The following OBP2A variants were observed in gnomAD, a reference collection of about 807,000 sequenced individuals.
OBP2A encodes the protein odorant binding protein 2A, also known as odorant-binding protein 2a.
Under a neutral mutation model 21.9 loss-of-function variants are expected in OBP2A, and 15 were observed. The observed-to-expected ratio is 0.69, with a 90% CI of 0.46 to 1.06. The LOEUF is 1.06. Ranked by LOEUF, OBP2A falls within the 50% of genes least tolerant of loss-of-function variation. OBP2A has a pLI of 0.00. For missense variants in OBP2A, 192 were observed against 220.1 expected, an observed-to-expected ratio of 0.87 and a Z score of 0.81; for synonymous variants, 86 against 91.8, an observed-to-expected ratio of 0.94 and a Z score of 0.36.
chr9:135,549,662 A>G lies in OBP2A; in HGVS notation c.*2-175A>G. 5.3e-6 allele frequency: 3 copies of G among 564,240 alleles called. No individual in the cohort carries two copies. In the African/African-American group the frequency reaches 6.0e-5, roughly 11 times the overall value. The allele number at this position is 564,240 out of a possible 1,614,324, so 35.0% of individuals were successfully genotyped here. The stretch of plus-strand genomic sequence containing the variant: ...TCGGTCTACTCCCCCCCACCCACTC[A>G]CCAAGGATGCTCAGAGGCCTGCCCA... On this transcript the variant is annotated intron_variant, in intron 6 of 6. Transcript: ENST00000371776.
At position 135,546,192 on chromosome 9, in the gene OBP2A, G is replaced by T. The variant is rs1275094676; in HGVS notation, c.12G>T (p.Leu4=). ...ACAGAGCTCTGGAGATGAAGACCCT[G>T]TTCCTGGGTGTCACGCTCGGCCTGG... The part of the protein sequence containing the change: MKT[L]FLGVTLGLAA... Residue 4 remains leucine (L), a synonymous_variant, in exon 1 of 7, where the codon CTG becomes CTT. Transcript: ENST00000371776. 9 of 1,493,646 alleles carry T rather than the reference G, an allele frequency of 6.0e-6. No homozygotes were observed. The highest frequency in any genetic ancestry group is 8.3e-6 in the Non-Finnish European group (9 of 1,088,894). 92.5% of individuals were successfully genotyped at this position (1,493,646 alleles called of 1,614,324 possible).
chr9:135,548,777 C>T lies in OBP2A; in HGVS notation c.458C>T (p.Ser153Leu), dbSNP rs547898380. The T allele has an allele frequency of 2.0e-5, 32 of 1,614,004 alleles. No homozygotes were observed. The African/African-American group carries it at 2.7e-4, about 13-fold the overall frequency. ...FKKLVQHKGL[S>L]EEDIFMPLQT... ...AAATTGGTGCAGCACAAGGGACTCTCGGAGGAGGACATTTTCATGCCCCTG... is the reference window on the plus strand; with the variant it reads ...AAATTGGTGCAGCACAAGGGACTCTTGGAGGAGGACATTTTCATGCCCCTG... Residue 153 changes from serine (S) to leucine (L), a missense_variant, in exon 5 of 7, where the codon TCG (serine) becomes TTG (leucine). By Grantham distance (145) the Ser-to-Leu change is moderately radical (BLOSUM62 -2). Coordinates refer to ENST00000371776, the MANE Select transcript of OBP2A (RefSeq NM_014582.3).
rs368244666 is a variant in OBP2A, at chr9:135,547,245, G to C, written c.274G>C (p.Ala92Pro). 6.2e-6 allele frequency: 10 copies of C among 1,613,550 alleles called. No individual in the cohort carries two copies. Among genetic ancestry groups the C allele is most frequent in the African/African-American group, 2.7e-5 (2 of 74,882 alleles). ...GACGGAGGAGCCTGGCAAATTCAGC[G>C]CCTGTGAGCCCCTCCCCGACCCCCC... Reference protein sequence around the residue: ...RKTEEPGKFSAYGGRKLIYLQ... With the variant: ...RKTEEPGKFSPYGGRKLIYLQ... Residue 92 changes from alanine (A) to proline (P), a missense_variant, in exon 3 of 7, where the codon GCC (alanine) becomes CCC (proline). By Grantham distance (27) the Ala-to-Pro change is conservative. Coordinates refer to ENST00000371776, the MANE Select transcript of OBP2A (RefSeq NM_014582.3).
chr9:135,546,496 G>A (rs1228369628), intron 1 of OBP2A, among the ~76,000 whole-genome samples: 10 of 151,820 alleles, frequency 6.6e-5, no homozygotes, highest in Admixed American at 5.9e-4. Context: ...CGAAGGTCTC[G>A]CAGGGTTGGG....
intron 2 of OBP2A, 39 bp downstream of exon 2, chr9:135,546,950 C>T (rs765763736): frequency 3.1e-6 from 5 of 1,607,578 alleles, no homozygotes; most frequent in Non-Finnish European, 4.3e-6. Flanking sequence ...AGGCCACTTT[C>T]GCTCCCCGCC....
At position 135,546,219 on chromosome 9, in the gene OBP2A, C is replaced by T. The variant is rs750955196; in HGVS notation, c.39C>T (p.Ala13=). ...TCCTGGGTGTCACGCTCGGCCTGGC[C>T]GCTGCCCTGTCCTTCACCCTGGAGG... The part of the protein sequence containing the change: ...TLFLGVTLGL[A]AALSFTLEEE... Residue 13 remains alanine (A), a synonymous_variant, in exon 1 of 7, where the codon GCC becomes GCT. Transcript: ENST00000371776. 27 of 1,518,450 alleles carry T rather than the reference C, an allele frequency of 1.8e-5. 1 individual carries two copies. In the Admixed American group the frequency reaches 3.6e-4, roughly 20 times the overall value. 94.1% of individuals were successfully genotyped at this position (1,518,450 alleles called of 1,614,324 possible). A position where few individuals can be genotyped will look rare whatever the true frequency, so the allele number is the denominator to read the frequency against.
intron 1 of OBP2A, 130 bp downstream of exon 1, chr9:135,546,382 G>C (rs549795854): frequency 5.3e-5 from 34 of 642,864 alleles, no homozygotes; most frequent in Admixed American, 3.9e-4. Flanking sequence ...GCCTGGGGTG[G>C]TGGTGGAGGG....
rs756910106 is a variant in OBP2A, at chr9:135,547,908, C to T, written c.315C>T (p.Pro105=). 5.3e-5 allele frequency: 85 copies of T among 1,613,076 alleles called. No individual in the cohort carries two copies. Among genetic ancestry groups the T allele is most frequent in the Middle Eastern group, 1.7e-4 (1 of 5,886 alleles). ...GRKLIYLQEL[P]GTDDYVFYCK... ...AGCTCATATACCTGCAGGAGCTGCC[C>T]GGGACGGACGACTACGTCTTTTACT... The change falls in exon 4 of 7, where the codon CCC becomes CCT. Residue 105 remains proline (P), a synonymous_variant. Transcript: ENST00000371776.
rs1373246275 is a variant in OBP2A, at chr9:135,548,939, T to C, written c.490+130T>C. ...GCCCCGAGTCTCCTCGCAGGGGCTC[T>C]GGGCCCTGCTTAGCATCCTCGTCGT... On this transcript the variant is annotated intron_variant, in intron 5 of 6. Coordinates refer to ENST00000371776, the MANE Select transcript of OBP2A (RefSeq NM_014582.3). 8.5e-6 allele frequency: 9 copies of C among 1,059,046 alleles called. 1 individual carries two copies. The highest frequency in any genetic ancestry group is 1.3e-5 in the Non-Finnish European group (9 of 701,528). 65.6% of individuals were successfully genotyped at this position (1,059,046 alleles called of 1,614,324 possible).
chr9:135,546,998 C>A, intron 2 of OBP2A, 87 bp downstream of exon 2: 1 of 1,594,086 alleles, frequency 6.3e-7, no homozygotes, highest in East Asian at 2.2e-5. Context: ...ATCCACATTT[C>A]GGGTGTTGGG....
chr9:135,549,663 C>T (rs1832070039), intron 6 of OBP2A, 174 bp from the exon 7 acceptor site: 2 of 594,668 alleles, frequency 3.4e-6, no homozygotes, highest in African/African-American at 1.9e-5. Context: ...CACCCACTCA[C>T]CAAGGATGCT....
chr9:135,546,669 G>A, intron 1 of OBP2A, 109 bp from the exon 2 acceptor site: 1 of 1,516,644 alleles, frequency 6.6e-7, no homozygotes, highest in Non-Finnish European at 8.9e-7. Flanking sequence ...GCCTTTAGGG[G>A]TGGCAGCCGG....
intron 3 of OBP2A, among the ~76,000 whole-genome samples, chr9:135,547,625 G>A (rs537282583): frequency 2.0e-5 from 3 of 152,358 alleles, no homozygotes; most frequent in Admixed American, 1.3e-4. Flanking sequence ...CTGGAGCTGG[G>A]AAGGCCGGAC....
chr9:135,547,913 C>T lies in OBP2A; in HGVS notation c.320C>T (p.Thr107Met), dbSNP rs760517173. Residue 107 changes from threonine to methionine, a missense_variant, in exon 4 of 7, where the codon ACG becomes ATG. By Grantham distance (81) the Thr-to-Met change is moderately conservative. Transcript: ENST00000371776. Reference protein sequence around the residue: ...KLIYLQELPGTDDYVFYCKDQ... With the variant: ...KLIYLQELPGMDDYVFYCKDQ... ...ATATACCTGCAGGAGCTGCCCGGGA[C>T]GGACGACTACGTCTTTTACTGCAAA... is the stretch of plus-strand genomic sequence containing the variant. 28 of 1,613,302 alleles carry T rather than the reference C, an allele frequency of 1.7e-5. No individual in the cohort carries two copies. Among genetic ancestry groups the T allele is most frequent in the African/African-American group, 8.0e-5 (6 of 75,052 alleles).
rs375157638 is a variant in OBP2A at position 135,547,945 on chromosome 9, C to T, written c.352C>T (p.Arg118Cys). The T allele has an allele frequency of 3.6e-5, 58 of 1,613,066 alleles. No homozygotes were observed. In the African/African-American group the frequency reaches 4.7e-4, roughly 13 times the overall value. Residue 118 changes from arginine to cysteine, a missense_variant, in exon 4 of 7, where the codon CGC (arginine) becomes TGC (cysteine). Coordinates refer to ENST00000371776, the MANE Select transcript of OBP2A (RefSeq NM_014582.3). Reference sequence around the variant, plus strand: ...CTACGTCTTTTACTGCAAAGACCAGCGCCGTGGGGGCCTGCGCTACATGGG... The same window carrying T: ...CTACGTCTTTTACTGCAAAGACCAGTGCCGTGGGGGCCTGCGCTACATGGG... ...DDYVFYCKDQ[R>C]RGGLRYMGKL... is the part of the protein sequence containing the mutation.
At position 135,547,947 on chromosome 9, in the gene OBP2A, C is replaced by A; in HGVS notation, c.354C>A (p.Arg118=). 1.9e-6 allele frequency: 3 copies of A among 1,613,136 alleles called. No homozygotes were observed. Among genetic ancestry groups the A allele is most frequent in the South Asian group, 2.2e-5 (2 of 90,972 alleles). The change falls in exon 4 of 7, where the codon CGC becomes CGA. Residue 118 remains arginine, a synonymous_variant. Transcript: ENST00000371776. The stretch of plus-strand genomic sequence containing the variant: ...ACGTCTTTTACTGCAAAGACCAGCG[C>A]CGTGGGGGCCTGCGCTACATGGGAA... ...DDYVFYCKDQ[R]RGGLRYMGKL...
In OBP2A at chr9:135,546,676, C is replaced by T. The variant is rs116736099; in HGVS notation, c.73-102C>T. Reference sequence around the variant, plus strand: ...CCCAGCCTGCCTTTAGGGGTGGCAGCCGGGCACCATGGGTGTCTGGTTATA... The same window carrying T: ...CCCAGCCTGCCTTTAGGGGTGGCAGTCGGGCACCATGGGTGTCTGGTTATA... On this transcript the variant is annotated intron_variant, in intron 1 of 6. Coordinates refer to ENST00000371776, the MANE Select transcript of OBP2A (RefSeq NM_014582.3). 3.4e-3 allele frequency: 5,135 copies of T among 1,518,148 alleles called. 151 individuals carry two copies. In the African/African-American group the frequency reaches 0.063, roughly 19 times the overall value. The allele number at this position is 1,518,148 out of a possible 1,614,324, so 94.0% of individuals were successfully genotyped here. A position where few individuals can be genotyped will look rare whatever the true frequency, so the allele number is the denominator to read the frequency against.
Position 135,546,140 on chromosome 9 carries a change from G to GC in OBP2A, c.-38dup, listed in dbSNP as rs1210302933. On this transcript the variant is annotated 5_prime_UTR_variant, in exon 1 of 7. Transcript: ENST00000371776. ...GGAGCCAGCACAGCCTTGTTCAGAC[G>GC]CCCAGTGACCTGCCGAGGTCGGCAG... is the stretch of plus-strand genomic sequence containing the variant. The GC allele has an allele frequency of 5.0e-6, 6 of 1,203,112 alleles. No homozygotes were observed. In the African/African-American group the frequency reaches 9.0e-5, roughly 18 times the overall value. 74.5% of individuals were successfully genotyped at this position (1,203,112 alleles called of 1,614,324 possible). A position where few individuals can be genotyped will look rare whatever the true frequency, so the allele number is the denominator to read the frequency against.
At position 135,548,057 on chromosome 9, in the gene OBP2A, A is replaced by G. The variant is rs532003100; in HGVS notation, c.388+76A>G. The G allele has an allele frequency of 4.2e-4, 446 of 1,064,068 alleles. 3 individuals carry two copies. Among genetic ancestry groups the G allele is most frequent in the Middle Eastern group, 1.9e-3 (9 of 4,672 alleles). 65.9% of individuals were successfully genotyped at this position (1,064,068 alleles called of 1,614,324 possible). On this transcript the variant is annotated intron_variant, in intron 4 of 6. Coordinates refer to ENST00000371776, the MANE Select transcript of OBP2A (RefSeq NM_014582.3). Reference sequence around the variant, plus strand: ...AGAAGCCAGTGGAACCACCATCATCACGCCCTGGCACGGGGGGAAAAGGAA... The same window carrying G: ...AGAAGCCAGTGGAACCACCATCATCGCGCCCTGGCACGGGGGGAAAAGGAA...
Sources: gnomAD v4.1 joint callset for allele counts (sites outside exome capture counted in the v4.1 genomes callset) on GRCh38, gnomAD v4.1.1 for gene constraint, MANE v1.5 for transcripts, NCBI Gene and HGNC (gene_info 2026-07-23, HGNC 2026-07-21) for gene names.